RBFOX1: variants seen among roughly 807,000 people sequenced by gnomAD.
RBFOX1 encodes the protein RNA binding fox-1 homolog 1.
RBFOX1 carries 8 observed loss-of-function variants against 57.7 expected under a neutral mutation model. The observed-to-expected ratio is 0.14, with a 90% CI of 0.08 to 0.25. RBFOX1 has a LOEUF of 0.25. Ranked by LOEUF, RBFOX1 falls within the 10% of genes least tolerant of loss-of-function variation. RBFOX1 has a pLI of 1.00. For synonymous variants in RBFOX1, 326 were observed against 222.4 expected (o/e 1.47, Z -4.15); for missense variants, 611 against 548.5 (o/e 1.11, Z -1.14).
rs529402204 is a variant in RBFOX1, at chr16:7,336,262, A to G, written c.28-181885A>G. 3.9e-5 allele frequency among the ~76,000 whole-genome samples: 6 copies of G among 152,274 alleles called. No homozygotes were observed. The South Asian group carries it at 8.3e-4, about 21-fold the overall frequency. Reference sequence around the variant, plus strand: ...CAACAGCTTTGTAACTGGTTAGGCTATTTGGTTAGTGTTTGGGTCTAATGT... The same window carrying G: ...CAACAGCTTTGTAACTGGTTAGGCTGTTTGGTTAGTGTTTGGGTCTAATGT... On this transcript the variant is annotated intron_variant, in intron 4 of 15. Coordinates refer to ENST00000550418, the MANE Select transcript of RBFOX1 (RefSeq NM_018723.4).
At chr16:6,757,895 A>G (rs141557214) in intron 3 of RBFOX1, among the ~76,000 whole-genome samples, 15 of 152,336 alleles carry the variant, frequency 9.8e-5, no homozygotes, top group Middle Eastern at 3.4e-3. Flanking sequence ...AAAATGTCAC[A>G]TGTACCCTGT....
At chr16:6,477,879 C>T (rs1452014737) in intron 2 of RBFOX1, among the ~76,000 whole-genome samples, 3 of 152,218 alleles carry the variant, frequency 2.0e-5, no homozygotes, top group African/African-American at 7.2e-5. Context: ...CTTGCCATTT[C>T]ACCTTCCACT....
At chr16:6,084,267 A>C (rs2096054572) in intron 1 of RBFOX1, among the ~76,000 whole-genome samples, 1 of 151,946 alleles carries the variant, frequency 6.6e-6, no homozygotes, top group Admixed American at 6.6e-5. Context: ...TTTTTGAGAC[A>C]GTGTCTTGCT....
intron 5 of RBFOX1, among the ~76,000 whole-genome samples, chr16:7,578,227 G>A (rs1411380097): frequency 6.6e-6 from 1 of 152,124 alleles, no homozygotes; most frequent in Non-Finnish European, 1.5e-5. Flanking sequence ...AGCCTCAAAA[G>A]GTATGAACTC....
At chr16:7,709,508 C>T (rs1429644874) in intron 15 of RBFOX1, 2 of 1,527,106 alleles carry the variant, frequency 1.3e-6, no homozygotes, top group East Asian at 4.9e-5. Flanking sequence ...AAGGTTCCAG[C>T]CCCAGCACAG....
chr16:7,245,905 A>G (rs574683935), intron 4 of RBFOX1, among the ~76,000 whole-genome samples: 123 of 152,272 alleles, frequency 8.1e-4, no homozygotes, highest in Non-Finnish European at 1.2e-3. Flanking sequence ...TAGATATTCA[A>G]TTCTCCCAGC....
At chr16:7,374,654 A>T (rs2097650321) in intron 4 of RBFOX1, among the ~76,000 whole-genome samples, 1 of 152,200 alleles carries the variant, frequency 6.6e-6, no homozygotes, top group Admixed American at 6.5e-5. Context: ...AATTAAAAAT[A>T]AAAAATGACA....
At chr16:5,524,123 C>T (rs909450724) in intron 2 of RBFOX1, among the ~76,000 whole-genome samples, 1 of 152,172 alleles carries the variant, frequency 6.6e-6, no homozygotes, top group African/African-American at 2.4e-5. Flanking sequence ...GCAATAAAGA[C>T]ACACTCTGGG....
chr16:5,387,338 C>G (rs1160139), intron 1 of RBFOX1, among the ~76,000 whole-genome samples: 2 of 152,186 alleles, frequency 1.3e-5, no homozygotes, highest in Non-Finnish European at 2.9e-5. Context: ...ACACACACTT[C>G]TATTTTCCCT....
chr16:6,857,594 C>T (rs1479672436), intron 3 of RBFOX1, among the ~76,000 whole-genome samples: 1 of 152,182 alleles, frequency 6.6e-6, no homozygotes, highest in Non-Finnish European at 1.5e-5. Flanking sequence ...CGCCGTAGCT[C>T]TTTGCCAAGA....
intron 4 of RBFOX1, among the ~76,000 whole-genome samples, chr16:5,948,255 A>C (rs2152273386): frequency 6.6e-6 from 1 of 152,264 alleles, no homozygotes; most frequent in South Asian, 2.1e-4. Flanking sequence ...GTTCTATGGA[A>C]GGCTTTGCTG....
intron 3 of RBFOX1, among the ~76,000 whole-genome samples, chr16:5,620,104 G>A (rs1296049117): frequency 1.3e-5 from 2 of 152,120 alleles, no homozygotes; most frequent in East Asian, 3.9e-4. Context: ...TAGTTCAGCA[G>A]AAAGTGAACA....
intron 1 of RBFOX1, among the ~76,000 whole-genome samples, chr16:5,328,634 C>G (rs1276987800): frequency 6.6e-6 from 1 of 152,188 alleles, no homozygotes; most frequent in Non-Finnish European, 1.5e-5. Context: ...CCTGTCTGCA[C>G]GTGGAAGATC....
intron 4 of RBFOX1, among the ~76,000 whole-genome samples, chr16:7,096,930 T>C: frequency 9.9e-5 from 1 of 10,054 alleles, no homozygotes; most frequent in Admixed American, 1.9e-3. Flanking sequence ...AGACTCCATC[T>C]CAAAAAAAAA....
chr16:7,629,163 C>T (rs557653051), intron 10 of RBFOX1, among the ~76,000 whole-genome samples: 51 of 152,264 alleles, frequency 3.3e-4, no homozygotes, highest in Admixed American at 2.7e-3. Flanking sequence ...TGGGCTGCTT[C>T]TCCCTGGGAA....
At chr16:6,949,838 C>T (rs1048266577) in intron 3 of RBFOX1, among the ~76,000 whole-genome samples, 1 of 152,010 alleles carries the variant, frequency 6.6e-6, no homozygotes, top group African/African-American at 2.4e-5. Flanking sequence ...CATCTCTTCA[C>T]CCGGACAGAA....
chr16:6,109,646 G>A (rs930970229), intron 1 of RBFOX1, among the ~76,000 whole-genome samples: 1 of 152,042 alleles, frequency 6.6e-6, no homozygotes, highest in African/African-American at 2.4e-5. Flanking sequence ...CTAGATATTA[G>A]AATTTTTATG....
chr16:6,373,205 T>C (rs1251813361), intron 2 of RBFOX1, among the ~76,000 whole-genome samples: 2 of 151,326 alleles, frequency 1.3e-5, no homozygotes, highest in African/African-American at 4.9e-5. Context: ...CGGAAGTGTA[T>C]AGTTGGATAG....
chr16:6,585,642 C>G (rs1300623785), intron 2 of RBFOX1, among the ~76,000 whole-genome samples: 2 of 152,130 alleles, frequency 1.3e-5, no homozygotes, highest in Admixed American at 6.5e-5. Flanking sequence ...GACATAGACT[C>G]TTTCTGTTTA....
Sources: allele counts gnomAD v4.1 joint callset (sites outside exome capture counted in the v4.1 genomes callset), GRCh38; gene constraint gnomAD v4.1.1; transcripts MANE v1.5; gene names NCBI Gene and HGNC (gene_info 2026-07-23, HGNC 2026-07-21).